Variants in MSI2 observed in about 807,000 individuals in gnomAD.
MSI2 encodes musashi RNA binding protein 2, also known as RNA-binding protein Musashi homolog 2.
MSI2 carries 17 observed loss-of-function variants against 45.6 expected under a neutral mutation model. That is an observed-to-expected ratio of 0.37 (90% confidence interval 0.26 to 0.56). MSI2 has a LOEUF of 0.56. Ranked by LOEUF, MSI2 falls within the 20% of genes least tolerant of loss-of-function variation. The probability of loss-of-function intolerance (pLI) is 0.77; values close to 1 mark genes in which losing one functional copy is unlikely to be tolerated. For synonymous variants in MSI2, 156 were observed against 158.2 expected (o/e 0.99, Z 0.11); for missense variants, 293 against 444.2 (o/e 0.66, Z 3.06).
At chr17:57,378,672 C>T (rs1010405859) in intron 5 of MSI2, among the ~76,000 whole-genome samples, 7 of 152,222 alleles carry the variant, frequency 4.6e-5, no homozygotes, top group Admixed American at 3.9e-4. Flanking sequence ...GCTAGGATTA[C>T]AGGAGTGAGC....
intron 5 of MSI2, among the ~76,000 whole-genome samples, chr17:57,295,933 A>C (rs1277295264): frequency 7.0e-6 from 1 of 142,208 alleles, no homozygotes; most frequent in Non-Finnish European, 1.5e-5. Context: ...AAAGAATCTC[A>C]TGCTCAGAGG....
intron 5 of MSI2, among the ~76,000 whole-genome samples, chr17:57,320,048 T>A (rs1913201300): frequency 6.6e-6 from 1 of 152,048 alleles, no homozygotes; most frequent in African/African-American, 2.4e-5. Context: ...TTGCATCGTC[T>A]CACTCTCAGC....
At chr17:57,320,736 A>T (rs986899073) in intron 5 of MSI2, among the ~76,000 whole-genome samples, 12 of 152,144 alleles carry the variant, frequency 7.9e-5, no homozygotes, top group African/African-American at 2.9e-4. Context: ...GCCCCGTCTT[A>T]GGGTACATAC....
rs898366858 is a variant in MSI2, at chr17:57,293,408, T to G, written c.312+31216T>G. Among the ~76,000 whole-genome samples the G allele has an allele frequency of 2.0e-5, 3 of 152,256 alleles. No individual in the cohort carries two copies. In the East Asian group the frequency reaches 5.8e-4, roughly 29 times the overall value. The stretch of plus-strand genomic sequence containing the variant: ...AGGCCTGCTCTGAACGCCTGAGCAC[T>G]GCGATCCTGATGTGGAGAGCTTCCT... On this transcript the variant is annotated intron_variant, in intron 5 of 13. Coordinates refer to ENST00000284073, the MANE Select transcript of MSI2 (RefSeq NM_138962.4).
At chr17:57,653,492 C>T (rs535912671) in intron 11 of MSI2, among the ~76,000 whole-genome samples, 101 of 152,238 alleles carry the variant, frequency 6.6e-4, no homozygotes, top group African/African-American at 1.9e-3. Flanking sequence ...CCCCCAGCCC[C>T]GGGCCCCGGG....
At chr17:57,257,344 AAAAAC>A (rs1314358134) in intron 2 of MSI2, 117 bp from the exon 3 acceptor site, 4 of 683,976 alleles carry the variant, frequency 5.8e-6, no homozygotes, top group African/African-American at 1.9e-5. Flanking sequence ...CAAAAAATGC[AAAAAC>A]AAAACAGAAT....
chr17:57,597,414 T>G (rs1313674813), intron 8 of MSI2, among the ~76,000 whole-genome samples: 1 of 145,620 alleles, frequency 6.9e-6, no homozygotes, highest in Non-Finnish European at 1.5e-5. Context: ...GAAAATCACT[T>G]GAGGCCAGGA....
At chr17:57,531,327 G>A (rs867868560) in intron 7 of MSI2, among the ~76,000 whole-genome samples, 2 of 152,218 alleles carry the variant, frequency 1.3e-5, no homozygotes, top group African/African-American at 2.4e-5. Flanking sequence ...TGCTCGGAGA[G>A]TGTAATGCCA....
chr17:57,262,857 A>G (rs1289722238), intron 5 of MSI2, among the ~76,000 whole-genome samples: 2 of 152,246 alleles, frequency 1.3e-5, no homozygotes, highest in Non-Finnish European at 2.9e-5. Flanking sequence ...TGTGTCGTTA[A>G]CATAGTTTTC....
At chr17:57,459,002 C>T (rs570684204) in intron 6 of MSI2, among the ~76,000 whole-genome samples, 2 of 152,352 alleles carry the variant, frequency 1.3e-5, no homozygotes, top group South Asian at 2.1e-4. Context: ...TTTGCTGCGT[C>T]GCTCGGAAGA....
chr17:57,548,247 G>T (rs1414455665), intron 7 of MSI2, among the ~76,000 whole-genome samples: 5 of 152,136 alleles, frequency 3.3e-5, no homozygotes, highest in Non-Finnish European at 5.9e-5. Context: ...AACCTGTACA[G>T]AGGGGCTTAC....
chr17:57,529,306 C>T lies in MSI2; in HGVS notation c.406-370C>T, dbSNP rs1404131026. On this transcript the variant is annotated intron_variant, in intron 6 of 13. Coordinates refer to ENST00000284073, the MANE Select transcript of MSI2 (RefSeq NM_138962.4). This position sits in a 1 kb window ranked among gnomAD's most constrained non-coding sequence, Gnocchi z 5.3. ...AATAAAATAACTGGGCATGATGGTA[C>T]ATGCCTGTAGTCCCAGCTACTCAGG... 6.6e-6 allele frequency among the ~76,000 whole-genome samples: 1 copy of T among 152,052 alleles called. No individual in the cohort carries two copies. The highest frequency in any genetic ancestry group is 2.4e-5 in the African/African-American group (1 of 41,390).
At chr17:57,647,470 A>G (rs1214852860) in intron 10 of MSI2, among the ~76,000 whole-genome samples, 1 of 148,754 alleles carries the variant, frequency 6.7e-6, no homozygotes, top group Non-Finnish European at 1.5e-5. Flanking sequence ...AAAGTAAAGG[A>G]AAAAGAAAGA....
At chr17:57,328,219 C>T (rs1913971303) in intron 5 of MSI2, among the ~76,000 whole-genome samples, 1 of 152,100 alleles carries the variant, frequency 6.6e-6, no homozygotes, top group South Asian at 2.1e-4. Context: ...TCCATCCATC[C>T]ATCCATCCAT....
At position 57,596,830 on chromosome 17, in the gene MSI2, G is replaced by A. The variant is rs201344854; in HGVS notation, c.455-38G>A. Reference sequence around the variant, plus strand: ...GGCCTGCCAGAACTGAACTCACCCCGCCTCTCTTTGTTTTTTCTTCTCTCT... The same window carrying A: ...GGCCTGCCAGAACTGAACTCACCCCACCTCTCTTTGTTTTTTCTTCTCTCT... On this transcript the variant is annotated intron_variant, in intron 7 of 13. Coordinates refer to ENST00000284073, the MANE Select transcript of MSI2 (RefSeq NM_138962.4). This position sits in a 1 kb window ranked among gnomAD's most constrained non-coding sequence, Gnocchi z 4.6. 78 of 1,488,028 alleles carry A rather than the reference G, an allele frequency of 5.2e-5. No homozygotes were observed. The highest frequency in any genetic ancestry group is 4.4e-4 in the South Asian group (39 of 88,672). 92.2% of individuals were successfully genotyped at this position (1,488,028 alleles called of 1,614,324 possible).
chr17:57,459,133 G>A (rs2143605644), intron 6 of MSI2, among the ~76,000 whole-genome samples: 2 of 152,308 alleles, frequency 1.3e-5, no homozygotes, highest in East Asian at 3.9e-4. Context: ...GGGTGTTTAT[G>A]TGGCACAAAA....
At chr17:57,518,596 G>C (rs1220307660) in intron 6 of MSI2, among the ~76,000 whole-genome samples, 1 of 152,242 alleles carries the variant, frequency 6.6e-6, no homozygotes, top group Non-Finnish European at 1.5e-5. Context: ...ATGTGAGAGA[G>C]TGTTCCGGCA....
At chr17:57,689,316 G>T (rs1250979172), downstream of MSI2, among the ~76,000 whole-genome samples, 1 of 151,956 alleles carries the variant, frequency 6.6e-6, no homozygotes. Context: ...AATAAAATAT[G>T]AACTGAGTTA....
intron 5 of MSI2, among the ~76,000 whole-genome samples, chr17:57,346,482 T>C (rs1454611016): frequency 2.0e-5 from 3 of 152,140 alleles, no homozygotes; most frequent in African/African-American, 7.2e-5. Flanking sequence ...CTGAGTCATA[T>C]GGGGAAATAA....
Sources: allele counts gnomAD v4.1 joint callset (sites outside exome capture counted in the v4.1 genomes callset), GRCh38; gene constraint gnomAD v4.1.1; non-coding constraint Gnocchi (gnomAD v3.1); transcripts MANE v1.5; gene names NCBI Gene and HGNC (gene_info 2026-07-23, HGNC 2026-07-21).